Variants in CACNA1C observed in about 807,000 individuals in gnomAD.
The protein encoded by CACNA1C is calcium voltage-gated channel subunit alpha1 C.
A neutral mutation model predicts 229.0 loss-of-function variants in CACNA1C; 30 were observed. That is an observed-to-expected ratio of 0.13 (90% CI 0.10 to 0.18). CACNA1C has a LOEUF of 0.18. Among genes scored for constraint, CACNA1C ranks in the 10% least tolerant of loss-of-function variants. The probability of loss-of-function intolerance (pLI) is 1.00; values close to 1 mark genes in which losing one functional copy is unlikely to be tolerated. For synonymous variants in CACNA1C, 1,114 were observed against 1,132.5 expected, an observed-to-expected ratio of 0.98 and a Z score of 0.33; for missense variants, 1,658 against 2,845.0, an observed-to-expected ratio of 0.58 and a Z score of 9.49.
chr12:2,645,536 A>G (rs2094248705), intron 30 of CACNA1C, among the ~76,000 whole-genome samples: 1 of 152,214 alleles, frequency 6.6e-6, no homozygotes, highest in Non-Finnish European at 1.5e-5. Flanking sequence ...CAGCAAGTCC[A>G]ATCTCTCCTT....
In CACNA1C at chr12:2,147,072, C is replaced by A. The variant is rs529723491; in HGVS notation, c.477+26642C>A. Among the ~76,000 whole-genome samples, 129 of 151,386 alleles carry A rather than the reference C, an allele frequency of 8.5e-4. 3 individuals carry two copies. The highest frequency in any genetic ancestry group is 1.6e-3 in the Non-Finnish European group (111 of 67,614). On this transcript the variant is annotated intron_variant, in intron 3 of 46. Transcript: ENST00000399655. ...ACTCTAAGTCATATCTCCATACTAGCTCTATCCTTTCTCCTGTCCCTATCT... is the reference window on the plus strand; with the variant it reads ...ACTCTAAGTCATATCTCCATACTAGATCTATCCTTTCTCCTGTCCCTATCT...
At chr12:2,618,167 G>A in intron 29 of CACNA1C, among the ~76,000 whole-genome samples, 1 of 152,198 alleles carries the variant, frequency 6.6e-6, no homozygotes, top group East Asian at 1.9e-4. Flanking sequence ...ACCAGATTCT[G>A]ACATTCCCCT....
chr12:2,371,657 G>A (rs970011886), intron 3 of CACNA1C, among the ~76,000 whole-genome samples: 1 of 149,884 alleles, frequency 6.7e-6, no homozygotes, highest in East Asian at 1.9e-4. Flanking sequence ...TCTTAAGCCC[G>A]ATGGTACAGA....
At chr12:2,142,581 A>T (rs530348224) in intron 3 of CACNA1C, among the ~76,000 whole-genome samples, 1 of 151,550 alleles carries the variant, frequency 6.6e-6, no homozygotes, top group African/African-American at 2.4e-5. Flanking sequence ...GGAGGTAGCC[A>T]TAAGAAGGCA....
At chr12:2,010,303 T>A (rs2154482378) in intron 1 of CACNA1C, among the ~76,000 whole-genome samples, 1 of 151,990 alleles carries the variant, frequency 6.6e-6, no homozygotes, top group East Asian at 1.9e-4. Flanking sequence ...TACAAAAGGT[T>A]AAGATTTGAA....
chr12:2,582,751 A>T (rs564615023), intron 14 of CACNA1C, 71 bp from the exon 15 acceptor site: 162 of 1,553,696 alleles, frequency 1.0e-4, no homozygotes, highest in Non-Finnish European at 1.2e-4. Context: ...GTAGTGGGGC[A>T]GGGCAGGGTG....
chr12:2,176,082 G>T (rs1398323604), intron 3 of CACNA1C, among the ~76,000 whole-genome samples: 1 of 152,180 alleles, frequency 6.6e-6, no homozygotes, highest in Non-Finnish European at 1.5e-5. Flanking sequence ...GGAAAGCAAA[G>T]CAGGACAGGG....
At position 2,595,230 on chromosome 12, in the gene CACNA1C, C is replaced by A. The variant is rs1418281216; in HGVS notation, c.2664-644C>A. Among the ~76,000 whole-genome samples, 1 of 152,148 alleles carries A rather than the reference C, an allele frequency of 6.6e-6. No homozygotes were observed. Among genetic ancestry groups the A allele is most frequent in the African/African-American group, 2.4e-5 (1 of 41,446 alleles). ...ACTAAGGCTGTGTTTCTGGGCAAGC[C>A]TCTCCTACTTGGGTTTCAGTGTTCT... On this transcript the variant is annotated intron_variant, in intron 19 of 46. Transcript: ENST00000399655. This position sits in a 1 kb window ranked among gnomAD's most constrained non-coding sequence, Gnocchi z 4.1.
intron 10 of CACNA1C, chr12:2,550,643 T>A: frequency 7.4e-7 from 1 of 1,350,386 alleles, no homozygotes; most frequent in Non-Finnish European, 9.8e-7. Context: ...AAACAGAGGC[T>A]CTGAGTCAGA....
intron 9 of CACNA1C, among the ~76,000 whole-genome samples, chr12:2,539,039 C>T (rs1234964378): frequency 6.6e-6 from 1 of 152,236 alleles, no homozygotes; most frequent in African/African-American, 2.4e-5. Context: ...CAAGACCTGT[C>T]ATTCTCTGCC....
chr12:2,318,727 GAA>G (rs1400877313), intron 3 of CACNA1C, among the ~76,000 whole-genome samples: 4 of 152,124 alleles, frequency 2.6e-5, no homozygotes, highest in Non-Finnish European at 5.9e-5. Flanking sequence ...AGGTACCAAA[GAA>G]AGAGAATGGA....
intron 3 of CACNA1C, among the ~76,000 whole-genome samples, chr12:2,438,149 A>G (rs1596273167): frequency 8.3e-6 from 1 of 120,580 alleles, no homozygotes; most frequent in Non-Finnish European, 1.7e-5. Context: ...TAATGGTGAT[A>G]GTGGGGATGG....
intron 7 of CACNA1C, among the ~76,000 whole-genome samples, chr12:2,503,270 C>G (rs1598302908): frequency 6.6e-6 from 1 of 152,170 alleles, no homozygotes; most frequent in African/African-American, 2.4e-5. Flanking sequence ...CCGTGGGCCA[C>G]ACTTTGAGAG....
chr12:2,667,074 C>T (rs1000057968), intron 37 of CACNA1C, among the ~76,000 whole-genome samples: 7 of 152,202 alleles, frequency 4.6e-5, no homozygotes, highest in South Asian at 2.1e-4. Context: ...TAGAGGGGTT[C>T]GGCGTTCTTT....
At chr12:2,636,697 C>T (rs1215558494) in intron 30 of CACNA1C, among the ~76,000 whole-genome samples, 1 of 152,214 alleles carries the variant, frequency 6.6e-6, no homozygotes, top group Admixed American at 6.5e-5. Context: ...CTGTACTCCA[C>T]AGTGCCTTTT....
chr12:2,186,243 G>A (rs554168482), intron 3 of CACNA1C, among the ~76,000 whole-genome samples: 3 of 152,246 alleles, frequency 2.0e-5, no homozygotes, highest in South Asian at 2.1e-4. Context: ...GTTCCCTCCC[G>A]GCATTTAGTC....
At chr12:1,985,305 T>A (rs2037384169) in intron 1 of CACNA1C, among the ~76,000 whole-genome samples, 1 of 152,214 alleles carries the variant, frequency 6.6e-6, no homozygotes, top group Non-Finnish European at 1.5e-5. Flanking sequence ...TTAAAAAACA[T>A]CTTGGCTCTA....
chr12:2,010,199 A>G (rs1423091398), intron 1 of CACNA1C, among the ~76,000 whole-genome samples: 1 of 152,240 alleles, frequency 6.6e-6, no homozygotes, highest in Non-Finnish European at 1.5e-5. Flanking sequence ...CAATATTTTT[A>G]TACGCTAAAG....
At chr12:2,419,869 G>A (rs1243336316) in intron 3 of CACNA1C, among the ~76,000 whole-genome samples, 20 of 152,182 alleles carry the variant, frequency 1.3e-4, no homozygotes, top group Admixed American at 1.3e-3. Flanking sequence ...GAGGCTGGAT[G>A]GGGGCTTCAT....
Sources: allele counts gnomAD v4.1 joint callset (sites outside exome capture counted in the v4.1 genomes callset), GRCh38; gene constraint gnomAD v4.1.1; non-coding constraint Gnocchi (gnomAD v3.1); transcripts MANE v1.5; gene names NCBI Gene and HGNC (gene_info 2026-07-23, HGNC 2026-07-21).